The following CTNNA3 variants were observed in gnomAD, a reference collection of about 807,000 sequenced individuals.
CTNNA3 encodes the protein catenin alpha-3.
Under a neutral mutation model 95.7 loss-of-function variants are expected in CTNNA3, and 76 were observed. That is an observed-to-expected ratio of 0.79 (90% confidence interval 0.66 to 0.96). CTNNA3 has a LOEUF of 0.96. Among genes scored for constraint, CTNNA3 ranks in the 40% least tolerant of loss-of-function variants. CTNNA3 has a pLI of 0.00. For missense variants in CTNNA3, 1,191 were observed against 1,089.8 expected, an observed-to-expected ratio of 1.09 and a Z score of -1.31; for synonymous variants, 431 against 374.4, an observed-to-expected ratio of 1.15 and a Z score of -1.74.
At chr10:67,504,847 C>T (rs544901188) in intron 5 of CTNNA3, among the ~76,000 whole-genome samples, 14 of 152,286 alleles carry the variant, frequency 9.2e-5, no homozygotes, top group African/African-American at 2.6e-4. Context: ...AAGACAGCTT[C>T]CTCTAAATTT....
intron 10 of CTNNA3, among the ~76,000 whole-genome samples, chr10:66,595,600 G>A (rs1305591886): frequency 6.6e-6 from 1 of 152,036 alleles, no homozygotes; most frequent in Non-Finnish European, 1.5e-5. Flanking sequence ...GCCTCCCAAA[G>A]TGCTGGGATT....
At chr10:66,577,910 G>T (rs887959479) in intron 10 of CTNNA3, among the ~76,000 whole-genome samples, 1 of 151,888 alleles carries the variant, frequency 6.6e-6, no homozygotes, top group African/African-American at 2.4e-5. Context: ...GTTGCTTTTG[G>T]CAGTATGGTC....
chr10:67,225,384 A>G (rs1010064228), intron 5 of CTNNA3, among the ~76,000 whole-genome samples: 4 of 152,154 alleles, frequency 2.6e-5, no homozygotes, highest in Non-Finnish European at 5.9e-5. Flanking sequence ...GATGCTCTCT[A>G]CAAAACCCCA....
intron 10 of CTNNA3, among the ~76,000 whole-genome samples, chr10:66,534,480 A>ATGTATG: frequency 2.4e-4 from 1 of 4,148 alleles, no homozygotes; most frequent in Non-Finnish European, 3.2e-3. Context: ...ATATATATAT[A>ATGTATG]TATATATATA....
intron 7 of CTNNA3, among the ~76,000 whole-genome samples, chr10:66,799,564 C>T (rs1170412692): frequency 6.6e-6 from 1 of 151,368 alleles, no homozygotes; most frequent in East Asian, 1.9e-4. Context: ...TAAACTGAAG[C>T]ATTGTGGTGA....
At chr10:65,963,241 T>C (rs1415236251) in intron 17 of CTNNA3, among the ~76,000 whole-genome samples, 1 of 152,174 alleles carries the variant, frequency 6.6e-6, no homozygotes, top group African/African-American at 2.4e-5. Context: ...TTACAAGCTT[T>C]TGCTCTACTT....
intron 12 of CTNNA3, among the ~76,000 whole-genome samples, chr10:66,340,232 A>G (rs1258542736): frequency 6.6e-6 from 1 of 151,798 alleles, no homozygotes; most frequent in African/African-American, 2.4e-5. Context: ...AACAATACTT[A>G]TAGCATCCAA....
chr10:66,197,115 A>G (rs1174610523), intron 13 of CTNNA3, among the ~76,000 whole-genome samples: 1 of 152,214 alleles, frequency 6.6e-6, no homozygotes, highest in African/African-American at 2.4e-5. Context: ...AATTTTTCAA[A>G]AAGACTATAC....
In CTNNA3 at chr10:66,724,999, T is replaced by A. The variant is rs564833034; in HGVS notation, c.1281+41265A>T. Among the ~76,000 whole-genome samples the A allele has an allele frequency of 1.2e-3, 177 of 152,294 alleles. 2 individuals are homozygous for A. Among genetic ancestry groups the A allele is most frequent in the Non-Finnish European group, 3.2e-4 (22 of 68,006 alleles). ...TGCTGAAGTCTCTGATATAAAATGA[T>A]GTAGTATATGCACAAAACCTATGCA... On this transcript the variant is annotated intron_variant, in intron 9 of 17. Transcript: ENST00000433211.
chr10:67,691,066 A>AT (rs1219767876), intron 1 of CTNNA3, among the ~76,000 whole-genome samples: 3 of 151,974 alleles, frequency 2.0e-5, no homozygotes, highest in Non-Finnish European at 2.9e-5. Context: ...TGGTTTTCGT[A>AT]TTTTTTTGGT....
At chr10:67,633,887 C>A (rs949781384) in intron 2 of CTNNA3, among the ~76,000 whole-genome samples, 7 of 152,140 alleles carry the variant, frequency 4.6e-5, no homozygotes, top group South Asian at 2.1e-4. Context: ...GAGGATGGAA[C>A]CAAGTTGGAA....
rs187214664 is a variant in CTNNA3, at chr10:66,294,365, T to C, written c.1733-13744A>G. On this transcript the variant is annotated intron_variant, in intron 12 of 17. Transcript: ENST00000433211. Reference sequence around the variant, plus strand: ...AGGAGGGGGTGAGGAGAAGCCCTACTGAAAATAGTGTGAGTTCCCACACTC... The same window carrying C: ...AGGAGGGGGTGAGGAGAAGCCCTACCGAAAATAGTGTGAGTTCCCACACTC... Among the ~76,000 whole-genome samples, 5 of 152,292 alleles carry C rather than the reference T, an allele frequency of 3.3e-5. No homozygotes were observed. In the East Asian group the frequency reaches 9.7e-4, roughly 29 times the overall value.
intron 7 of CTNNA3, among the ~76,000 whole-genome samples, chr10:67,163,799 A>G (rs10997539): frequency 0.076 from 11,544 of 152,114 alleles, 640 homozygotes; most frequent in African/African-American, 0.15. Flanking sequence ...GTTGCAGGAT[A>G]TAAGATAAAC....
At chr10:67,326,350 G>C (rs1184505814) in intron 5 of CTNNA3, among the ~76,000 whole-genome samples, 2 of 152,158 alleles carry the variant, frequency 1.3e-5, no homozygotes, top group East Asian at 3.9e-4. Flanking sequence ...GTATGTTTTT[G>C]TAGTGGCTGA....
chr10:67,686,205 C>T (rs1589565454), intron 1 of CTNNA3, among the ~76,000 whole-genome samples: 5 of 152,214 alleles, frequency 3.3e-5, no homozygotes, highest in African/African-American at 7.2e-5. Flanking sequence ...TTCCCTTTCC[C>T]AGTTCTAAGG....
chr10:66,700,885 C>T (rs1847921144), intron 9 of CTNNA3, among the ~76,000 whole-genome samples: 1 of 152,158 alleles, frequency 6.6e-6, no homozygotes, highest in African/African-American at 2.4e-5. Flanking sequence ...GTAATATAAT[C>T]TGCTTATATA....
chr10:66,352,892 C>A (rs2092577860), intron 12 of CTNNA3, among the ~76,000 whole-genome samples: 1 of 151,846 alleles, frequency 6.6e-6, no homozygotes, highest in African/African-American at 2.4e-5. Context: ...CTTGGGGAGG[C>A]AGACTGTGGT....
At chr10:67,746,033 C>G (rs1448012329) in intron 1 of CTNNA3, among the ~76,000 whole-genome samples, 2 of 152,072 alleles carry the variant, frequency 1.3e-5, no homozygotes, top group African/African-American at 4.8e-5. Context: ...CAACCACTAT[C>G]GAAATACCAA....
At chr10:67,717,643 T>C (rs1589579572) in intron 1 of CTNNA3, among the ~76,000 whole-genome samples, 1 of 152,184 alleles carries the variant, frequency 6.6e-6, no homozygotes, top group African/African-American at 2.4e-5. Context: ...TGTGGCATTA[T>C]TTCTGAGGCC....
Sources: allele counts gnomAD v4.1 joint callset (sites outside exome capture counted in the v4.1 genomes callset), GRCh38; gene constraint gnomAD v4.1.1; transcripts MANE v1.5; gene names NCBI Gene and HGNC (gene_info 2026-07-23, HGNC 2026-07-21).